The following GLIS1 variants were observed in gnomAD, a reference collection of about 807,000 sequenced individuals.
GLIS1 encodes the protein zinc finger protein GLIS1.
Under a neutral mutation model 63.8 loss-of-function variants are expected in GLIS1, and 24 were observed. That is an observed-to-expected ratio of 0.38 (90% CI 0.27 to 0.53). The LOEUF (loss-of-function observed/expected upper bound fraction) is 0.53. Among genes scored for constraint, GLIS1 ranks in the 20% least tolerant of loss-of-function variants. GLIS1 has a pLI of 0.85. For synonymous variants in GLIS1, 450 were observed against 482.5 expected, an observed-to-expected ratio of 0.93 and a Z score of 0.88; for missense variants, 1,036 against 1,074.1, an observed-to-expected ratio of 0.96 and a Z score of 0.50.
At chr1:53,734,907 G>A (rs1278945678) in intron 2 of GLIS1, among the ~76,000 whole-genome samples, 6 of 152,200 alleles carry the variant, frequency 3.9e-5, no homozygotes, top group African/African-American at 1.4e-4. Context: ...TTTGGAATCT[G>A]GATAAACGGG....
chr1:53,548,345 A>G (rs756299276), intron 4 of GLIS1, among the ~76,000 whole-genome samples: 1 of 152,202 alleles, frequency 6.6e-6, no homozygotes, highest in Non-Finnish European at 1.5e-5. Context: ...GTGAGGCTTT[A>G]GCATGTTACT....
At chr1:53,586,608 A>G (rs1203393938) in intron 4 of GLIS1, among the ~76,000 whole-genome samples, 1 of 152,210 alleles carries the variant, frequency 6.6e-6, no homozygotes. Flanking sequence ...TATTACCCCA[A>G]TTTCATAGGT....
At chr1:53,608,285 T>C (rs931721333) in intron 2 of GLIS1, among the ~76,000 whole-genome samples, 6 of 152,218 alleles carry the variant, frequency 3.9e-5, no homozygotes, top group African/African-American at 1.4e-4. Flanking sequence ...AAAAGCATAC[T>C]AGTCCTATCT....
At chr1:53,635,094 A>G (rs1459040389) in intron 2 of GLIS1, among the ~76,000 whole-genome samples, 1 of 152,092 alleles carries the variant, frequency 6.6e-6, no homozygotes, top group Non-Finnish European at 1.5e-5. Flanking sequence ...AAGAAATAAC[A>G]ACAGGATTGT....
At chr1:53,676,937 C>T (rs560921522) in intron 2 of GLIS1, among the ~76,000 whole-genome samples, 1 of 152,300 alleles carries the variant, frequency 6.6e-6, no homozygotes, top group South Asian at 2.1e-4. Context: ...TCCCACTTAC[C>T]GGTCCTGCGG....
intron 6 of GLIS1, among the ~76,000 whole-genome samples, chr1:53,523,753 C>A (rs1385312867): frequency 6.6e-6 from 1 of 152,208 alleles, no homozygotes; most frequent in Admixed American, 6.5e-5. Flanking sequence ...TCACACACGG[C>A]TCGTCCAAAA....
At chr1:53,508,561 C>T (rs778706490) in intron 10 of GLIS1, among the ~76,000 whole-genome samples, 8 of 152,118 alleles carry the variant, frequency 5.3e-5, no homozygotes, top group Admixed American at 3.9e-4. Flanking sequence ...CCCTGCTGAT[C>T]GGAGCCTGGT....
intron 4 of GLIS1, among the ~76,000 whole-genome samples, chr1:53,571,210 G>C (rs546750047): frequency 2.0e-5 from 3 of 152,188 alleles, no homozygotes; most frequent in Non-Finnish European, 4.4e-5. Context: ...ACCACGAGAT[G>C]CCATTTCACA....
Position 53,524,819 on chromosome 1 carries a change from G to C in GLIS1, c.1551C>G (p.His517Gln). Residue 517 changes from histidine to glutamine, a missense_variant, in exon 6 of 11, where the codon CAC becomes CAG. Physicochemically the swap from His to Gln is conservative, Grantham distance 24. Coordinates refer to ENST00000628545, the MANE Select transcript of GLIS1 (RefSeq NM_001367484.1). ...RYTDPSSLRK[H>Q]VKAHSAKEQQ... is the part of the protein sequence containing the mutation. Reference sequence around the variant, plus strand: ...GCTCTTTGGCTGAATGGGCCTTGACGTGCTTGCGGAGGGAGCTGGGGTCTG... The same window carrying C: ...GCTCTTTGGCTGAATGGGCCTTGACCTGCTTGCGGAGGGAGCTGGGGTCTG... 6.2e-7 allele frequency: 1 copy of C among 1,613,558 alleles called. No individual in the cohort carries two copies. Among genetic ancestry groups the C allele is most frequent in the Non-Finnish European group, 8.5e-7 (1 of 1,179,934 alleles).
chr1:53,538,699 G>A (rs948126102), intron 4 of GLIS1, among the ~76,000 whole-genome samples: 2 of 152,188 alleles, frequency 1.3e-5, no homozygotes, highest in African/African-American at 2.4e-5. Flanking sequence ...GAGCCCATGC[G>A]GGTGGGCCTG....
rs560926914 is a variant in GLIS1, at chr1:53,579,360, G to A, written c.1320+14748C>T. 3.3e-5 allele frequency among the ~76,000 whole-genome samples: 5 copies of A among 152,310 alleles called. No individual in the cohort carries two copies. In the East Asian group the frequency reaches 5.8e-4, roughly 18 times the overall value. The stretch of plus-strand genomic sequence containing the variant: ...AACAACCTTCAGCATTCTCACGACC[G>A]TGCCAGGGGACATGAGGCCTTGCCA... On this transcript the variant is annotated intron_variant, in intron 4 of 10. Coordinates refer to ENST00000628545, the MANE Select transcript of GLIS1 (RefSeq NM_001367484.1).
At chr1:53,699,284 G>A (rs534659456) in intron 2 of GLIS1, among the ~76,000 whole-genome samples, 43 of 152,110 alleles carry the variant, frequency 2.8e-4, no homozygotes, top group African/African-American at 8.9e-4. Context: ...GGCTGGTATC[G>A]AACTCCTGAA....
intron 4 of GLIS1, among the ~76,000 whole-genome samples, chr1:53,581,787 G>C (rs555562608): frequency 6.6e-6 from 1 of 152,138 alleles, no homozygotes; most frequent in African/African-American, 2.4e-5. Context: ...AACAGAGCAA[G>C]AGAGAGGAGT....
At chr1:53,673,072 T>C (rs1196728855) in intron 2 of GLIS1, among the ~76,000 whole-genome samples, 1 of 152,196 alleles carries the variant, frequency 6.6e-6, no homozygotes, top group African/African-American at 2.4e-5. Flanking sequence ...CTCATGCCTA[T>C]AAAGGCCTAA....
At chr1:53,541,843 ACTGT>A (rs1196210178) in intron 4 of GLIS1, among the ~76,000 whole-genome samples, 2 of 152,244 alleles carry the variant, frequency 1.3e-5, no homozygotes, top group African/African-American at 2.4e-5. Flanking sequence ...GGTGAAGGAA[ACTGT>A]CTGGGGGTCT....
At chr1:53,674,624 G>C (rs190384032) in intron 2 of GLIS1, among the ~76,000 whole-genome samples, 4 of 152,318 alleles carry the variant, frequency 2.6e-5, no homozygotes, top group Admixed American at 2.0e-4. Context: ...AGGAGAGGCA[G>C]AGAAGAGCAG....
At chr1:53,581,634 C>T (rs967919580) in intron 4 of GLIS1, among the ~76,000 whole-genome samples, 6 of 152,114 alleles carry the variant, frequency 3.9e-5, no homozygotes, top group Admixed American at 6.5e-5. Flanking sequence ...GTGCTACTTT[C>T]GAGAGGCAGT....
intron 2 of GLIS1, among the ~76,000 whole-genome samples, chr1:53,724,417 A>C (rs1293277021): frequency 6.6e-6 from 1 of 152,222 alleles, no homozygotes; most frequent in African/African-American, 2.4e-5. Context: ...ATGACTGGAA[A>C]ACTAAATTTT....
intron 2 of GLIS1, among the ~76,000 whole-genome samples, chr1:53,687,241 G>A (rs980289226): frequency 3.3e-5 from 5 of 152,306 alleles, no homozygotes; most frequent in Admixed American, 2.0e-4. Flanking sequence ...AGAGGAGGAC[G>A]GAAGTAGTCC....
Sources: allele counts gnomAD v4.1 joint callset (sites outside exome capture counted in the v4.1 genomes callset), GRCh38; gene constraint gnomAD v4.1.1; transcripts MANE v1.5; gene names NCBI Gene and HGNC (gene_info 2026-07-23, HGNC 2026-07-21).